MANBA: variants seen among roughly 807,000 people sequenced by gnomAD.
The protein encoded by MANBA is mannosidase beta.
A neutral mutation model predicts 111.1 loss-of-function variants in MANBA; 83 were observed. The observed-to-expected ratio is 0.75, with a 90% CI of 0.63 to 0.90. The LOEUF (loss-of-function observed/expected upper bound fraction) is 0.90, where lower values mean the gene tolerates loss of function less well. Among genes scored for constraint, MANBA ranks in the 40% least tolerant of loss-of-function variants. MANBA has a pLI of 0.00. For missense variants in MANBA, 1,036 were observed against 1,069.0 expected (o/e 0.97, Z 0.43); for synonymous variants, 370 against 378.7 (o/e 0.98, Z 0.27).
chr4:102,645,537 T>C (rs1355343486), intron 13 of MANBA, among the ~76,000 whole-genome samples: 1 of 152,104 alleles, frequency 6.6e-6, no homozygotes, highest in Non-Finnish European at 1.5e-5. Context: ...TTTTTGTTTT[T>C]TAACTAACTC....
At chr4:102,648,882 C>A (rs1041650256) in intron 13 of MANBA, among the ~76,000 whole-genome samples, 1 of 152,060 alleles carries the variant, frequency 6.6e-6, no homozygotes, top group Admixed American at 6.6e-5. Flanking sequence ...TTGCTCACAC[C>A]CTCCTCCACA....
At chr4:102,735,414 G>A (rs1395014846) in intron 1 of MANBA, among the ~76,000 whole-genome samples, 1 of 145,778 alleles carries the variant, frequency 6.9e-6, no homozygotes, top group Non-Finnish European at 1.5e-5. Flanking sequence ...TCCCTAACCA[G>A]AGAGAGTTCC....
chr4:102,646,212 G>T (rs1053266507), intron 13 of MANBA, among the ~76,000 whole-genome samples: 1 of 152,058 alleles, frequency 6.6e-6, no homozygotes, highest in Non-Finnish European at 1.5e-5. Flanking sequence ...TAAATTACAT[G>T]ATGCCTATAC....
At chr4:102,724,346 T>C (rs1354344457) in intron 2 of MANBA, among the ~76,000 whole-genome samples, 1 of 152,114 alleles carries the variant, frequency 6.6e-6, no homozygotes, top group Admixed American at 6.5e-5. Flanking sequence ...TCACCTGAGG[T>C]CAGGAGTTCG....
chr4:102,701,860 G>C (rs1357385489), intron 5 of MANBA, among the ~76,000 whole-genome samples: 2 of 151,654 alleles, frequency 1.3e-5, no homozygotes, highest in African/African-American at 2.4e-5. Flanking sequence ...TTCTCGAGGA[G>C]TATCTTTGTG....
At chr4:102,746,959 G>C (rs1279272775) in intron 1 of MANBA, among the ~76,000 whole-genome samples, 1 of 145,762 alleles carries the variant, frequency 6.9e-6, no homozygotes, top group Non-Finnish European at 1.5e-5. Flanking sequence ...GTGACAGAGC[G>C]AGACTCCATC....
At chr4:102,748,162 G>T (rs1723655615) in intron 1 of MANBA, among the ~76,000 whole-genome samples, 1 of 152,152 alleles carries the variant, frequency 6.6e-6, no homozygotes, top group South Asian at 2.1e-4. Context: ...TTGATCCCCA[G>T]CTTAATCCTA....
intron 5 of MANBA, among the ~76,000 whole-genome samples, chr4:102,709,324 GA>G (rs766022646): frequency 7.9e-5 from 6 of 75,792 alleles, no homozygotes; most frequent in African/African-American, 4.0e-4. Context: ...GAAAAGAAAA[GA>G]AAAAGAAAGG....
At chr4:102,760,565 T>C (rs1724200946) in intron 1 of MANBA, among the ~76,000 whole-genome samples, 153 bp downstream of exon 1, 1 of 152,186 alleles carries the variant, frequency 6.6e-6, no homozygotes, top group Non-Finnish European at 1.5e-5. Context: ...AGCTTGGGCA[T>C]TTCCCCCCGC....
At chr4:102,650,340 T>C (rs936689113) in intron 13 of MANBA, among the ~76,000 whole-genome samples, 197 bp downstream of exon 13, 1 of 152,240 alleles carries the variant, frequency 6.6e-6, no homozygotes, top group Non-Finnish European at 1.5e-5. Context: ...TGAGCTGTTT[T>C]TGTAAGAGAG....
At chr4:102,719,656 G>A (rs1722487150) in intron 4 of MANBA, among the ~76,000 whole-genome samples, 1 of 152,102 alleles carries the variant, frequency 6.6e-6, no homozygotes, top group African/African-American at 2.4e-5. Flanking sequence ...TTTTTGAATG[G>A]TTGTATAGCA....
At chr4:102,701,610 C>T (rs1304157778) in intron 5 of MANBA, among the ~76,000 whole-genome samples, 4 of 151,490 alleles carry the variant, frequency 2.6e-5, no homozygotes, top group Admixed American at 6.6e-5. Context: ...ATTTCTCCTA[C>T]ACTTATGAAG....
At chr4:102,688,059 TA>T (rs1277162402) in intron 7 of MANBA, among the ~76,000 whole-genome samples, 3 of 152,190 alleles carry the variant, frequency 2.0e-5, no homozygotes, top group Non-Finnish European at 4.4e-5. Context: ...AGCCTGAATG[TA>T]AAAGAATTAT....
chr4:102,696,058 T>C (rs1457578662), intron 5 of MANBA, among the ~76,000 whole-genome samples: 1 of 151,984 alleles, frequency 6.6e-6, no homozygotes, highest in African/African-American at 2.4e-5. Flanking sequence ...TGAGACCCCA[T>C]CTCTAAAAAT....
rs377135099 is a variant in MANBA at position 102,746,824 on chromosome 4, T to C, written c.177+13894A>G. ...CGTCTCTACTAAAAATACAAAAAAT[T>C]AGCTGGGCGTGGTGGCGGTCGCCTG... On this transcript the variant is annotated intron_variant, in intron 1 of 16. Coordinates refer to ENST00000647097, the MANE Select transcript of MANBA (RefSeq NM_005908.4). 3.3e-5 allele frequency among the ~76,000 whole-genome samples: 5 copies of C among 151,994 alleles called. No individual in the cohort carries two copies. The East Asian group carries it at 5.8e-4, about 18-fold the overall frequency.
At chr4:102,754,541 ATTTAT>A (rs1355133179) in intron 1 of MANBA, among the ~76,000 whole-genome samples, 6 of 151,896 alleles carry the variant, frequency 4.0e-5, no homozygotes, top group Admixed American at 2.0e-4. Context: ...AAGAGTTGTT[ATTTAT>A]TTTATTTTAT....
intron 9 of MANBA, 75 bp downstream of exon 9, chr4:102,671,206 C>G: frequency 1.1e-6 from 1 of 949,984 alleles, no homozygotes. Context: ...GGGGCAATTG[C>G]ATCATTCAGA....
At chr4:102,657,226 G>GGGC (rs1560752353) in intron 12 of MANBA, among the ~76,000 whole-genome samples, 1 of 124,932 alleles carries the variant, frequency 8.0e-6, no homozygotes, top group African/African-American at 2.8e-5. Flanking sequence ...GTGGGGTGGG[G>GGGC]GGGGGGTGGG....
chr4:102,687,493 T>G (rs1274338949), intron 7 of MANBA, among the ~76,000 whole-genome samples: 1 of 152,198 alleles, frequency 6.6e-6, no homozygotes, highest in Non-Finnish European at 1.5e-5. Context: ...GTTCTTCAAC[T>G]TCAAACTCAA....
Sources: gnomAD v4.1 joint callset for allele counts (sites outside exome capture counted in the v4.1 genomes callset) on GRCh38, gnomAD v4.1.1 for gene constraint, MANE v1.5 for transcripts, NCBI Gene and HGNC (gene_info 2026-07-23, HGNC 2026-07-21) for gene names.